Variants in XRCC3 observed in about 807,000 individuals in gnomAD.
XRCC3 encodes X-ray repair cross complementing 3, also known as DNA repair protein XRCC3.
A neutral mutation model predicts 29.2 loss-of-function variants in XRCC3; 34 were observed. That is an observed-to-expected ratio of 1.16 (90% confidence interval 0.88 to 1.55). The LOEUF is 1.55. XRCC3 is among the 40% of genes most tolerant of loss of function. XRCC3 has a pLI of 0.00. For missense variants in XRCC3, 463 were observed against 467.6 expected, an observed-to-expected ratio of 0.99 and a Z score of 0.09; for synonymous variants, 223 against 211.3, an observed-to-expected ratio of 1.06 and a Z score of -0.48.
chr14:103,706,736 C>A, intron 6 of XRCC3: 1 of 528,984 alleles, frequency 1.9e-6, no homozygotes, highest in Non-Finnish European at 3.4e-6. Context: ...GCTCAGCCAG[C>A]GACCCCTGGG....
intron 8 of XRCC3, 73 bp downstream of exon 8, chr14:103,699,285 CCCACCT>C: frequency 6.5e-7 from 1 of 1,543,036 alleles, no homozygotes; most frequent in Non-Finnish European, 8.7e-7. Context: ...TGCCACCCGC[CCCACCT>C]CCAGACCGGC....
At position 103,698,892 on chromosome 14, in the gene XRCC3, C is replaced by T. The variant is rs561421246; in HGVS notation, c.947G>A (p.Arg316Gln). ...GGGCAGGTGGGGGGCAGAGAGCACC[C>T]GCAGGGTCCGGGCTGGGCAGCCGAG... Reference protein sequence around the residue: ...AALGCPARTLRVLSAPHLPPS... With the variant: ...AALGCPARTLQVLSAPHLPPS... The change falls in exon 10 of 10, where the codon CGG becomes CAG. Residue 316 changes from arginine (R) to glutamine (Q), a missense_variant. Physicochemically the swap from Arg to Gln is conservative, Grantham distance 43. Coordinates refer to ENST00000555055, the MANE Select transcript of XRCC3 (RefSeq NM_005432.4). The T allele has an allele frequency of 2.6e-5, 41 of 1,603,348 alleles. No homozygotes were observed. The South Asian group carries it at 2.8e-4, about 11-fold the overall frequency.
In XRCC3 at chr14:103,698,953, G is replaced by C. The variant is rs1028469687; in HGVS notation, c.886C>G (p.Leu296Val). 1.2e-6 allele frequency: 2 copies of C among 1,601,008 alleles called. No homozygotes were observed. The highest frequency in any genetic ancestry group is 3.4e-5 in the Admixed American group (2 of 58,508). ...ITWANQLLVR[L>V]LADRLREEEA... Reference sequence around the variant, plus strand: ...TCCTCGCGGAGCCGGTCAGCCAGCAGTCTCACCAGGAGCTGGTTAGCCCAG... The same window carrying C: ...TCCTCGCGGAGCCGGTCAGCCAGCACTCTCACCAGGAGCTGGTTAGCCCAG... The change falls in exon 10 of 10, where the codon CTG becomes GTG. Residue 296 changes from leucine to valine, a missense_variant. Physicochemically the swap from Leu to Val is conservative, Grantham distance 32. Coordinates refer to ENST00000555055, the MANE Select transcript of XRCC3 (RefSeq NM_005432.4).
intron 4 of XRCC3, 149 bp downstream of exon 4, chr14:103,710,884 C>CACACACA: frequency 1.6e-6 from 1 of 609,630 alleles, no homozygotes; most frequent in South Asian, 1.8e-5. Flanking sequence ...ACACACACAC[C>CACACACA]TGAAAATCCC....
chr14:103,700,465 C>T, intron 7 of XRCC3: 1 of 501,732 alleles, frequency 2.0e-6, no homozygotes, highest in South Asian at 3.0e-5. Flanking sequence ...CTCCTGGCAC[C>T]AAGCAGTGTA....
intron 1 of XRCC3, chr14:103,714,227 A>G (rs112345823): frequency 6.6e-6 from 1 of 152,212 alleles, no homozygotes; most frequent in African/African-American, 2.4e-5. Context: ...TTGACAATAA[A>G]CCGTGTGATT....
At chr14:103,714,491 A>G (rs1040625886) in intron 1 of XRCC3, among the ~76,000 whole-genome samples, 5 of 151,596 alleles carry the variant, frequency 3.3e-5, no homozygotes, top group Non-Finnish European at 7.4e-5. Flanking sequence ...AAAGAAAAAT[A>G]GCTGGCCAGT....
intron 6 of XRCC3, chr14:103,704,953 T>A (rs903845336): frequency 1.3e-5 from 2 of 152,216 alleles, no homozygotes; most frequent in African/African-American, 2.4e-5. Context: ...CATGCAGTTG[T>A]GGGAGAGCCA....
rs1242526493 is a variant in XRCC3, at chr14:103,698,133, G to A, written c.*665C>T. 6.3e-6 allele frequency: 1 copy of A among 157,630 alleles called. No individual in the cohort carries two copies. Among genetic ancestry groups the A allele is most frequent in the Non-Finnish European group, 1.4e-5 (1 of 71,446 alleles). 9.8% of individuals were successfully genotyped at this position (157,630 alleles called of 1,614,324 possible). A position where few individuals can be genotyped will look rare whatever the true frequency, so the allele number is the denominator to read the frequency against. On this transcript the variant is annotated 3_prime_UTR_variant, in exon 10 of 10. Coordinates refer to ENST00000555055, the MANE Select transcript of XRCC3 (RefSeq NM_005432.4). ...TGCTGGCACAGGCCACACTACTAGA[G>A]ACAAGGCAGTCCCCCCACCCCCAGG...
chr14:103,699,231 G>C, intron 8 of XRCC3, 52 bp from the exon 9 acceptor site: 5 of 1,542,702 alleles, frequency 3.2e-6, no homozygotes, highest in Non-Finnish European at 4.4e-6. Context: ...CTTCTCGATG[G>C]TTAGGCACAG....
intron 7 of XRCC3, chr14:103,700,729 T>C: frequency 6.3e-7 from 1 of 1,591,852 alleles, no homozygotes; most frequent in Non-Finnish European, 8.5e-7. Context: ...ACCGCTAACG[T>C]GAGTCCCACG....
intron 7 of XRCC3, chr14:103,701,143 C>T: frequency 1.3e-6 from 2 of 1,545,928 alleles, no homozygotes; most frequent in Non-Finnish European, 1.8e-6. Flanking sequence ...CAGAACAGAA[C>T]TTAGTAACAC....
At position 103,703,181 on chromosome 14, in the gene XRCC3, C is replaced by A; in HGVS notation, c.553G>T (p.Ala185Ser). 6.4e-7 allele frequency: 1 copy of A among 1,570,564 alleles called. No homozygotes were observed. ...FGSQIFIEHV[A>S]DVDTLLECVN... ...GCTTCTCCCACACTCACCACATCGG[C>A]CACGTGCTCGATGAAGATCTGGCTG... Residue 185 changes from alanine to serine, a missense_variant, in exon 7 of 10, where the codon GCC becomes TCC. Transcript: ENST00000555055.
chr14:103,713,430 G>A (rs1371595373), intron 1 of XRCC3: 2 of 152,482 alleles, frequency 1.3e-5, no homozygotes, highest in Non-Finnish European at 2.9e-5. Flanking sequence ...CTCTACACCG[G>A]GGTGAAGGCC....
intron 6 of XRCC3, chr14:103,705,129 T>C (rs2083388242): frequency 1.3e-5 from 2 of 152,282 alleles, no homozygotes; most frequent in African/African-American, 4.8e-5. Context: ...GAGAAGCATC[T>C]GGCCCGCTTG....
chr14:103,698,505 G>T lies in XRCC3; in HGVS notation c.*293C>A. On this transcript the variant is annotated 3_prime_UTR_variant, in exon 10 of 10. Transcript: ENST00000555055. Reference sequence around the variant, plus strand: ...CAGGGAGTCACTGTAGGACACCCCAGGCTCCAGCCCTGAGAATCACCTCTC... The same window carrying T: ...CAGGGAGTCACTGTAGGACACCCCATGCTCCAGCCCTGAGAATCACCTCTC... 2.1e-6 allele frequency: 1 copy of T among 473,806 alleles called. No homozygotes were observed. The highest frequency in any genetic ancestry group is 4.1e-5 in the East Asian group (1 of 24,432). The allele number at this position is 473,806 out of a possible 1,614,324, so 29.4% of individuals were successfully genotyped here.
chr14:103,700,696 G>A, intron 7 of XRCC3: 2 of 1,605,912 alleles, frequency 1.2e-6, no homozygotes, highest in Non-Finnish European at 1.7e-6. Flanking sequence ...AACGACAGCA[G>A]CAGCAGTGGC....
intron 4 of XRCC3, 161 bp from the exon 5 acceptor site, chr14:103,708,820 T>C (rs1230379191): frequency 1.1e-6 from 1 of 923,422 alleles, no homozygotes; most frequent in Non-Finnish European, 1.7e-6. Flanking sequence ...CTGGAAACCC[T>C]GGACACAGTG....
chr14:103,710,736 C>T (rs976581159), intron 4 of XRCC3: 3 of 359,386 alleles, frequency 8.3e-6, no homozygotes, highest in South Asian at 2.6e-5. Flanking sequence ...AGCGAGACCC[C>T]GTCTCCAAAA....
Sources: allele counts gnomAD v4.1 joint callset (sites outside exome capture counted in the v4.1 genomes callset), GRCh38; gene constraint gnomAD v4.1.1; transcripts MANE v1.5; gene names NCBI Gene and HGNC (gene_info 2026-07-23, HGNC 2026-07-21).